The following FAT3 variants were observed in gnomAD, a reference collection of about 807,000 sequenced individuals.
The protein encoded by FAT3 is FAT atypical cadherin 3.
In FAT3, 95 loss-of-function variants were observed where a neutral mutation model predicts 310.2. The observed-to-expected ratio is 0.31, with a 90% CI of 0.26 to 0.36. FAT3 has a LOEUF of 0.36. Ranked by LOEUF, FAT3 falls within the 10% of genes least tolerant of loss-of-function variation. FAT3 has a pLI of 1.00. For synonymous variants in FAT3, 2,314 were observed against 2,192.9 expected, an observed-to-expected ratio of 1.06 and a Z score of -1.54; for missense variants, 5,408 against 5,715.6, an observed-to-expected ratio of 0.95 and a Z score of 1.74.
chr11:92,306,612 T>C (rs1478979921), intron 1 of FAT3, among the ~76,000 whole-genome samples: 2 of 126,036 alleles, frequency 1.6e-5, no homozygotes, highest in African/African-American at 6.1e-5. Flanking sequence ...ATATTTATAT[T>C]ATATATTTAT....
chr11:92,832,566 C>T (rs1948293028), intron 14 of FAT3, among the ~76,000 whole-genome samples: 2 of 151,994 alleles, frequency 1.3e-5, no homozygotes, highest in African/African-American at 4.8e-5. Context: ...AAATATCTGA[C>T]CCCCAGGTTG....
intron 2 of FAT3, among the ~76,000 whole-genome samples, chr11:92,455,125 T>C (rs941458267): frequency 6.6e-6 from 1 of 152,182 alleles, no homozygotes; most frequent in Non-Finnish European, 1.5e-5. Flanking sequence ...TTTGCAAGAA[T>C]GTGTCCTCTG....
At chr11:92,437,693 T>C (rs370930792) in intron 2 of FAT3, among the ~76,000 whole-genome samples, 17 of 152,150 alleles carry the variant, frequency 1.1e-4, no homozygotes, top group African/African-American at 4.1e-4. Context: ...AGGCAGAGAA[T>C]TGAGGGTCTT....
At chr11:92,765,996 G>A (rs375963984) in intron 6 of FAT3, among the ~76,000 whole-genome samples, 8 of 152,110 alleles carry the variant, frequency 5.3e-5, no homozygotes, top group South Asian at 4.2e-4. Flanking sequence ...CCTGGCTGTC[G>A]TCCATAAGAG....
At chr11:92,890,322 T>A (rs1949888162) in intron 27 of FAT3, among the ~76,000 whole-genome samples, 169 bp from the exon 28 acceptor site, 2 of 152,220 alleles carry the variant, frequency 1.3e-5, no homozygotes, top group Non-Finnish European at 2.9e-5. Flanking sequence ...TGCCATCACC[T>A]TGTTGTCCGC....
At chr11:92,643,719 C>T (rs1942045325) in intron 3 of FAT3, among the ~76,000 whole-genome samples, 2 of 152,224 alleles carry the variant, frequency 1.3e-5, no homozygotes, top group South Asian at 2.1e-4. Flanking sequence ...ATAAACACCC[C>T]AGGCTCTCAC....
At position 92,354,190 on chromosome 11, in the gene FAT3, C is replaced by A; in HGVS notation, c.2078C>A (p.Ala693Glu). ...GAAACTCGTGTGGCTCAAAAGCTGG[C>A]AGAGAAACTACTCATTAAGGCAAAA... is the stretch of plus-strand genomic sequence containing the variant. ...CRETRVAQKL[A>E]EKLLIKAKAN... Residue 693 changes from alanine (A) to glutamate (E), a missense_variant, in exon 2 of 28, where the codon GCA becomes GAA. Physicochemically the swap from Ala to Glu is moderately radical, Grantham distance 107. Transcript: ENST00000525166. The A allele has an allele frequency of 6.2e-7, 1 of 1,613,762 alleles. No homozygotes were observed. The highest frequency in any genetic ancestry group is 8.5e-7 in the Non-Finnish European group (1 of 1,179,834).
chr11:92,870,662 C>T (rs1185344382), intron 22 of FAT3, among the ~76,000 whole-genome samples: 2 of 152,154 alleles, frequency 1.3e-5, no homozygotes, highest in Non-Finnish European at 2.9e-5. Context: ...TCATGCTTAG[C>T]TCAAGCCCAT....
intron 3 of FAT3, among the ~76,000 whole-genome samples, chr11:92,547,743 A>G (rs1954660972): frequency 6.6e-6 from 1 of 152,120 alleles, no homozygotes. Flanking sequence ...TGCCCTGGGT[A>G]GTATGAGGCA....
intron 1 of FAT3, among the ~76,000 whole-genome samples, chr11:92,247,603 G>A (rs1864972180): frequency 6.6e-6 from 1 of 151,904 alleles, no homozygotes; most frequent in African/African-American, 2.4e-5. Flanking sequence ...GAGCAAGTCT[G>A]TCTTCCTACC....
At position 92,789,989 on chromosome 11, in the gene FAT3, C is replaced by T; in HGVS notation, c.4382C>T (p.Ser1461Phe). Residue 1461 changes from serine (S) to phenylalanine (F), a missense_variant, in exon 8 of 28, where the codon TCT (serine) becomes TTT (phenylalanine). Physicochemically the swap from Ser to Phe is radical, Grantham distance 155 (BLOSUM62 -2). Coordinates refer to ENST00000525166, the MANE Select transcript of FAT3 (RefSeq NM_001367949.2). ...LDNNDNGPEF[S>F]QPNYDVTISE... ...AATAATGATAATGGCCCAGAATTCT[C>T]TCAGCCGAATTACGATGTGACAATT... 6.2e-7 allele frequency: 1 copy of T among 1,613,796 alleles called. No homozygotes were observed. The highest frequency in any genetic ancestry group is 8.5e-7 in the Non-Finnish European group (1 of 1,179,742).
intron 1 of FAT3, among the ~76,000 whole-genome samples, chr11:92,321,936 A>C (rs1565225223): frequency 6.6e-6 from 1 of 152,200 alleles, no homozygotes; most frequent in Non-Finnish European, 1.5e-5. Context: ...TTCAAGTAAA[A>C]GTGACTGAGG....
At position 92,693,545 on chromosome 11, in the gene FAT3, C is replaced by A. The variant is rs142961680; in HGVS notation, c.3608-3839C>A. Among the ~76,000 whole-genome samples the A allele has an allele frequency of 2.0e-5, 3 of 152,252 alleles. No individual in the cohort carries two copies. The East Asian group carries it at 5.8e-4, about 29-fold the overall frequency. On this transcript the variant is annotated intron_variant, in intron 3 of 27. Coordinates refer to ENST00000525166, the MANE Select transcript of FAT3 (RefSeq NM_001367949.2). ...TTGTTCCAAATGCATTCAGCTACAA[C>A]AAAGTTATTATAAATGAAGAGGTAG...
chr11:92,280,158 A>G (rs1391909176), intron 1 of FAT3, among the ~76,000 whole-genome samples: 1 of 152,320 alleles, frequency 6.6e-6, no homozygotes, highest in Non-Finnish European at 1.5e-5. Context: ...AAGAGGGAAC[A>G]TTAGTGACTT....
At chr11:92,525,637 C>T (rs1591401693) in intron 3 of FAT3, among the ~76,000 whole-genome samples, 2 of 151,984 alleles carry the variant, frequency 1.3e-5, no homozygotes, top group Non-Finnish European at 2.9e-5. Context: ...AGGTTCATTG[C>T]TTTCTTGTGA....
rs187399121 is a variant in FAT3, at chr11:92,875,501, G to A, written c.12128-5230G>A. Among the ~76,000 whole-genome samples, 382 of 151,298 alleles carry A rather than the reference G, an allele frequency of 2.5e-3. 1 individual carries two copies. The highest frequency in any genetic ancestry group is 8.7e-3 in the African/African-American group (357 of 41,218). ...CTCTTCTATAGCGTGCTTCTAAATG[G>A]AGTTTTTCTGTCTTTGTATCCCCAG... is the stretch of plus-strand genomic sequence containing the variant. On this transcript the variant is annotated intron_variant, in intron 22 of 27. Coordinates refer to ENST00000525166, the MANE Select transcript of FAT3 (RefSeq NM_001367949.2).
chr11:92,893,766 T>C lies in FAT3; in HGVS notation c.*2653T>C, dbSNP rs1238652317. The C allele has an allele frequency of 6.6e-6, 1 of 152,242 alleles. No homozygotes were observed. The highest frequency in any genetic ancestry group is 1.5e-5 in the Non-Finnish European group (1 of 68,042). The allele number at this position is 152,242 out of a possible 1,614,324, so 9.4% of individuals were successfully genotyped here. A position where few individuals can be genotyped will look rare whatever the true frequency, so the allele number is the denominator to read the frequency against. Reference sequence around the variant, plus strand: ...TTTTGATTTATTATCTTTAAACACATGATATCTCTTCACTTTTTGGAAAGT... The same window carrying C: ...TTTTGATTTATTATCTTTAAACACACGATATCTCTTCACTTTTTGGAAAGT... On this transcript the variant is annotated 3_prime_UTR_variant, in exon 28 of 28. Coordinates refer to ENST00000525166, the MANE Select transcript of FAT3 (RefSeq NM_001367949.2).
At chr11:92,448,678 A>T (rs1951278971) in intron 2 of FAT3, among the ~76,000 whole-genome samples, 1 of 151,808 alleles carries the variant, frequency 6.6e-6, no homozygotes, top group African/African-American at 2.4e-5. Flanking sequence ...ATAGGTCTGG[A>T]CTCCCCCACA....
At chr11:92,750,540 G>A (rs1945802337) in intron 4 of FAT3, among the ~76,000 whole-genome samples, 1 of 152,146 alleles carries the variant, frequency 6.6e-6, no homozygotes, top group African/African-American at 2.4e-5. Flanking sequence ...AGAAACAACA[G>A]AAAGCAGATC....
Sources: gnomAD v4.1 joint callset for allele counts (sites outside exome capture counted in the v4.1 genomes callset) on GRCh38, gnomAD v4.1.1 for gene constraint, MANE v1.5 for transcripts, NCBI Gene and HGNC (gene_info 2026-07-23, HGNC 2026-07-21) for gene names.